The following CMYA5 variants were observed in gnomAD, a reference collection of about 807,000 sequenced individuals.
The protein encoded by CMYA5 is cardiomyopathy-associated protein 5.
In CMYA5, 246 loss-of-function variants were observed where a neutral mutation model predicts 318.9. That is an observed-to-expected ratio of 0.77 (90% CI 0.70 to 0.86). The LOEUF is 0.86. Among genes scored for constraint, CMYA5 ranks in the 40% least tolerant of loss-of-function variants. The pLI, the probability that CMYA5 is intolerant of heterozygous loss-of-function variation, is 0.00. For missense variants in CMYA5, 4,589 were observed against 4,678.2 expected (o/e 0.98, Z 0.56); for synonymous variants, 1,641 against 1,729.5 (o/e 0.95, Z 1.27).
chr5:79,690,280 T>C (rs1478406025), intron 1 of CMYA5, among the ~76,000 whole-genome samples: 1 of 152,164 alleles, frequency 6.6e-6, no homozygotes, highest in Admixed American at 6.5e-5. Context: ...CCCCAGCTCC[T>C]TGTGACTCGC....
At chr5:79,752,837 G>A (rs201313149) in intron 6 of CMYA5, 43 bp downstream of exon 6, 21 of 1,384,688 alleles carry the variant, frequency 1.5e-5, no homozygotes, top group Non-Finnish European at 2.0e-5. Flanking sequence ...AAATATGGCA[G>A]TTTTTGCTTG....
At chr5:79,723,792 A>T (rs1827693173) in intron 1 of CMYA5, among the ~76,000 whole-genome samples, 1 of 152,022 alleles carries the variant, frequency 6.6e-6, no homozygotes, top group Non-Finnish European at 1.5e-5. Context: ...AAAAAAAGAA[A>T]AGAAAAGGAG....
At chr5:79,705,781 A>G (rs1005493840) in intron 1 of CMYA5, among the ~76,000 whole-genome samples, 3 of 152,152 alleles carry the variant, frequency 2.0e-5, no homozygotes, top group Non-Finnish European at 2.9e-5. Context: ...AGAACTGAAT[A>G]CTAGCAGTTC....
rs779079035 is a variant in CMYA5, at chr5:79,737,110, T to C, written c.8345T>C (p.Met2782Thr). 5 of 1,613,450 alleles carry C rather than the reference T, an allele frequency of 3.1e-6. No homozygotes were observed. The highest frequency in any genetic ancestry group is 2.7e-5 in the African/African-American group (2 of 74,868). ...TCAGTAGATATCACAAAAGAAAGTA[T>C]GAAAGAAGGATTTCCATCTAAAGAA... is the stretch of plus-strand genomic sequence containing the variant. ...GGSVDITKES[M>T]KEGFPSKESE... Residue 2782 changes from methionine (M) to threonine (T), a missense_variant, in exon 2 of 13, where the codon ATG (methionine) becomes ACG (threonine). Physicochemically the swap from Met to Thr is moderately conservative, Grantham distance 81. Around this residue, in one of 3 missense-constraint regions of CMYA5, gnomAD observed 2,431 missense variants for 2,495.1 expected, o/e 0.97. Coordinates refer to ENST00000446378, the MANE Select transcript of CMYA5 (RefSeq NM_153610.5).
At position 79,738,290 on chromosome 5, in the gene CMYA5, T is replaced by TA; in HGVS notation, c.9528dup (p.Val3177SerfsTer3). On this transcript the variant is annotated frameshift_variant, in exon 2 of 13. Transcript: ENST00000446378. LOFTEE classifies it high-confidence loss of function. ...GAACCCAGATATTTCCTACCACTATTAAAGTCATTGATCCAGAATTTCTGG... is the reference window on the plus strand; with the variant it reads ...GAACCCAGATATTTCCTACCACTATTAAAAGTCATTGATCCAGAATTTCTGG... 6.2e-7 allele frequency: 1 copy of TA among 1,613,488 alleles called. No homozygotes were observed. The highest frequency in any genetic ancestry group is 8.5e-7 in the Non-Finnish European group (1 of 1,179,774).
rs773928362 is a variant in CMYA5 at position 79,737,167 on chromosome 5, A to C, written c.8402A>C (p.Glu2801Ala). Residue 2801 changes from glutamate to alanine, a missense_variant, in exon 2 of 13, where the codon GAA (glutamate) becomes GCA (alanine). Glu to Ala is a moderately radical substitution (Grantham distance 107, BLOSUM62 -1). Coordinates refer to ENST00000446378, the MANE Select transcript of CMYA5 (RefSeq NM_153610.5). The stretch of plus-strand genomic sequence containing the variant: ...AGGACTTTAGCTCGTCCTTTTGATG[A>C]AACTAAGAGCTCAGAAACACCGCCA... ...SERTLARPFD[E>A]TKSSETPPYL... 1.2e-6 allele frequency: 2 copies of C among 1,612,806 alleles called. No homozygotes were observed. Among genetic ancestry groups the C allele is most frequent in the Admixed American group, 3.3e-5 (2 of 59,742 alleles).
rs1019733710 is a variant in CMYA5, at chr5:79,734,233, A to G, written c.5468A>G (p.Lys1823Arg). Residue 1823 changes from lysine to arginine, a missense_variant, in exon 2 of 13, where the codon AAG (lysine) becomes AGG (arginine). Around this residue, in one of 3 missense-constraint regions of CMYA5, gnomAD observed 2,132 missense variants for 2,131.3 expected, o/e 1.00. Transcript: ENST00000446378. ...TCTGACCTCCTTGTAGAACAAAAAA[A>G]GACAGAAAAAGCACTTCATTCAGAT... ...APSDLLVEQK[K>R]TEKALHSDQT... 2 of 1,613,656 alleles carry G rather than the reference A, an allele frequency of 1.2e-6. No individual in the cohort carries two copies. Among genetic ancestry groups the G allele is most frequent in the African/African-American group, 2.7e-5 (2 of 74,906 alleles).
intron 2 of CMYA5, 103 bp from the exon 3 acceptor site, chr5:79,743,724 G>A (rs1328343338): frequency 5.0e-6 from 3 of 594,898 alleles, no homozygotes; most frequent in Admixed American, 6.7e-5. Flanking sequence ...AGTATAGTAA[G>A]TCTCTACGAA....
chr5:79,772,741 A>G (rs1344269030), intron 9 of CMYA5, among the ~76,000 whole-genome samples: 1 of 152,194 alleles, frequency 6.6e-6, no homozygotes, highest in Non-Finnish European at 1.5e-5. Flanking sequence ...TCTTTAATGT[A>G]AGAGTTCAAG....
rs1332212494 is a variant in CMYA5 at position 79,791,086 on chromosome 5, A to G, written c.11789+17A>G. The G allele has an allele frequency of 6.3e-7, 1 of 1,586,846 alleles. No homozygotes were observed. The highest frequency in any genetic ancestry group is 2.2e-5 in the East Asian group (1 of 44,768). On this transcript the variant is annotated intron_variant, in intron 11 of 12. Transcript: ENST00000446378. ...GCTGACGGAGTAAGTAGAAGAAGAA[A>G]GCACAAGTGGGCTGATGGCCCAGCA...
intron 6 of CMYA5, 128 bp downstream of exon 6, chr5:79,752,922 G>C: frequency 1.7e-6 from 1 of 598,400 alleles, no homozygotes; most frequent in South Asian, 2.2e-5. Flanking sequence ...AAAAGTATTA[G>C]TTGTAAAATG....
chr5:79,766,052 T>A (rs1828744184), intron 9 of CMYA5, among the ~76,000 whole-genome samples: 1 of 152,196 alleles, frequency 6.6e-6, no homozygotes, highest in Non-Finnish European at 1.5e-5. Context: ...AGAGAGGGCC[T>A]CCTTGTCTTG....
chr5:79,735,644 A>G lies in CMYA5; in HGVS notation c.6879A>G (p.Glu2293=). 2.5e-6 allele frequency: 4 copies of G among 1,613,530 alleles called. No individual in the cohort carries two copies. The highest frequency in any genetic ancestry group is 3.4e-6 in the Non-Finnish European group (4 of 1,179,710). ...EVSREDYGKK[E]ISGDSEEMNI... ...CTAGGGAAGATTATGGAAAAAAAGA[A>G]ATCTCAGGCGATTCAGAGGAAATGA... The change falls in exon 2 of 13, where the codon GAA becomes GAG. Residue 2293 remains glutamate (E), a synonymous_variant. Transcript: ENST00000446378.
intron 9 of CMYA5, among the ~76,000 whole-genome samples, chr5:79,772,516 C>A (rs78088397): frequency 3.3e-5 from 5 of 152,252 alleles, no homozygotes; most frequent in East Asian, 1.9e-4. Context: ...CTGAGTCTGA[C>A]AATAGATAAT....
intron 1 of CMYA5, among the ~76,000 whole-genome samples, chr5:79,704,874 A>G (rs1157059366): frequency 3.3e-5 from 5 of 152,156 alleles, no homozygotes; most frequent in Admixed American, 2.0e-4. Context: ...AGAAGTCTCT[A>G]TTTCTTTAAA....
At chr5:79,768,165 C>T (rs1377498140) in intron 9 of CMYA5, among the ~76,000 whole-genome samples, 1 of 151,994 alleles carries the variant, frequency 6.6e-6, no homozygotes, top group East Asian at 1.9e-4. Flanking sequence ...AAGTATTCCT[C>T]CATCCCTTTA....
chr5:79,772,630 G>T (rs193215407), intron 9 of CMYA5, among the ~76,000 whole-genome samples: 2 of 152,176 alleles, frequency 1.3e-5, no homozygotes, highest in East Asian at 1.9e-4. Flanking sequence ...ATCAATACAG[G>T]CCTCAATATC....
intron 1 of CMYA5, among the ~76,000 whole-genome samples, chr5:79,721,127 A>G (rs1827616898): frequency 6.6e-6 from 1 of 152,182 alleles, no homozygotes; most frequent in South Asian, 2.1e-4. Flanking sequence ...TTTCCAGGGT[A>G]ATCACTAAAA....
rs777671778 is a variant in CMYA5, at chr5:79,732,363, G to T, written c.3598G>T (p.Ala1200Ser). The change falls in exon 2 of 13, where the codon GCT (alanine) becomes TCT (serine). Residue 1200 changes from alanine (A) to serine (S), a missense_variant. Physicochemically the swap from Ala to Ser is moderately conservative, Grantham distance 99. Transcript: ENST00000446378. ...LTLKAADEQM[A>S]LSKVRKEEIV... The stretch of plus-strand genomic sequence containing the variant: ...TCTAAAAGCTGCAGATGAACAGATG[G>T]CTTTGTCAAAAGTCAGAAAGGAAGA... The T allele has an allele frequency of 1.9e-6, 3 of 1,613,666 alleles. No individual in the cohort carries two copies. Among genetic ancestry groups the T allele is most frequent in the African/African-American group, 1.3e-5 (1 of 75,020 alleles).
Sources: gnomAD v4.1 joint callset for allele counts (sites outside exome capture counted in the v4.1 genomes callset) on GRCh38, gnomAD v4.1.1 for gene constraint, gnomAD v4.1.1 regional missense constraint, MANE v1.5 for transcripts, NCBI Gene and HGNC (gene_info 2026-07-23, HGNC 2026-07-21) for gene names.